Variants in USH2A observed in about 807,000 individuals in gnomAD.
USH2A encodes Usher syndrome 2A (autosomal recessive, mild).
Under a neutral mutation model 538.9 loss-of-function variants are expected in USH2A, and 443 were observed. The observed-to-expected ratio is 0.82, with a 90% CI of 0.76 to 0.89. The LOEUF is 0.89. Among genes scored for constraint, USH2A ranks in the 40% least tolerant of loss-of-function variants. USH2A has a pLI of 0.00. For synonymous variants in USH2A, 2,413 were observed against 2,273.5 expected (o/e 1.06, Z -1.75); for missense variants, 6,633 against 6,324.8 (o/e 1.05, Z -1.65).
At chr1:215,793,079 AT>A (rs1252321150) in intron 50 of USH2A, among the ~76,000 whole-genome samples, 1 of 152,156 alleles carries the variant, frequency 6.6e-6, no homozygotes, top group Non-Finnish European at 1.5e-5. Flanking sequence ...GGAGGAAAAA[AT>A]TTTTACTCAC....
chr1:215,824,490 A>G (rs547896821), intron 47 of USH2A, among the ~76,000 whole-genome samples: 1 of 152,150 alleles, frequency 6.6e-6, no homozygotes, highest in African/African-American at 2.4e-5. Flanking sequence ...TCCAAAGGGG[A>G]TATCCTGGTA....
intron 7 of USH2A, among the ~76,000 whole-genome samples, chr1:216,323,920 T>C (rs929486307): frequency 4.6e-5 from 7 of 152,150 alleles, no homozygotes; most frequent in African/African-American, 9.7e-5. Context: ...TTTACATAGA[T>C]AACTTGCCAA....
rs2037059441 is a variant in USH2A at position 216,294,164 on chromosome 1, A to C, written c.1645-1794T>G. Among the ~76,000 whole-genome samples, 3 of 152,334 alleles carry C rather than the reference A, an allele frequency of 2.0e-5. No homozygotes were observed. In the South Asian group the frequency reaches 6.2e-4, roughly 32 times the overall value. On this transcript the variant is annotated intron_variant, in intron 9 of 71. Transcript: ENST00000307340. ...CTAATATAAATACAATTTATGGACA[A>C]AGCAAAATTTTTTCCATAGATTTAA...
chr1:216,203,322 G>A (rs2035039721), intron 16 of USH2A, among the ~76,000 whole-genome samples: 1 of 151,598 alleles, frequency 6.6e-6, no homozygotes, highest in Non-Finnish European at 1.5e-5. Context: ...CTATGATAAA[G>A]TTTAATTTAT....
rs958469661 is a variant in USH2A, at chr1:215,782,596, C to T, written c.10585+142G>A. 3 of 910,052 alleles carry T rather than the reference C, an allele frequency of 3.3e-6. No individual in the cohort carries two copies. The African/African-American group carries it at 5.0e-5, about 15-fold the overall frequency. The allele number at this position is 910,052 out of a possible 1,614,324, so 56.4% of individuals were successfully genotyped here. Reference sequence around the variant, plus strand: ...CACCACAAAGTGAGTGATTAGTTGTCACATAATTACAGTTCCCTTTATCGG... The same window carrying T: ...CACCACAAAGTGAGTGATTAGTTGTTACATAATTACAGTTCCCTTTATCGG... On this transcript the variant is annotated intron_variant, in intron 53 of 71. Transcript: ENST00000307340.
chr1:215,957,329 A>G (rs1667093516), intron 37 of USH2A, among the ~76,000 whole-genome samples: 2 of 152,158 alleles, frequency 1.3e-5, no homozygotes, highest in African/African-American at 4.8e-5. Flanking sequence ...GTTGTCTGTA[A>G]CTAAAAGAAC....
At chr1:216,174,282 T>G (rs1424741508) in intron 21 of USH2A, 1 of 979,886 alleles carries the variant, frequency 1.0e-6, no homozygotes, top group African/African-American at 1.7e-5. Flanking sequence ...ATGAACATCT[T>G]TATGAGTTTA....
chr1:215,733,511 A>G (rs1660066813), intron 60 of USH2A, among the ~76,000 whole-genome samples: 1 of 152,234 alleles, frequency 6.6e-6, no homozygotes, highest in African/African-American at 2.4e-5. Context: ...TTAACTGATT[A>G]CAGCATTAAC....
rs1436411297 is a variant in USH2A, at chr1:216,190,332, G to A, written c.4287C>T (p.Tyr1429=). The change falls in exon 20 of 72, where the codon TAC becomes TAT. Residue 1429 remains tyrosine, a synonymous_variant. Transcript: ENST00000307340. ...TATAAGGTTTCAGTCCTTCTACAGT[G>A]TAAGATAGTTCTTGGGATTTAGCAG... ...LHTAKSQELS[Y]TVEGLKPYRI... is the part of the protein sequence containing the mutation. The A allele has an allele frequency of 3.1e-6, 5 of 1,612,178 alleles. No individual in the cohort carries two copies. The highest frequency in any genetic ancestry group is 4.2e-6 in the Non-Finnish European group (5 of 1,178,908).
intron 4 of USH2A, among the ~76,000 whole-genome samples, chr1:216,348,082 C>G (rs1225270867): frequency 6.6e-6 from 1 of 152,094 alleles, no homozygotes; most frequent in Non-Finnish European, 1.5e-5. Context: ...CTATTTACAG[C>G]TTTTTAACAA....
At chr1:216,374,035 T>G (rs1335595612) in intron 3 of USH2A, among the ~76,000 whole-genome samples, 1 of 137,372 alleles carries the variant, frequency 7.3e-6, no homozygotes, top group African/African-American at 2.8e-5. Flanking sequence ...TTCTCACTCA[T>G]AGGTGGGAAT....
intron 21 of USH2A, among the ~76,000 whole-genome samples, chr1:216,103,541 A>AT (rs1188598153): frequency 6.6e-6 from 1 of 152,190 alleles, no homozygotes; most frequent in Non-Finnish European, 1.5e-5. Flanking sequence ...GCTGATGAAA[A>AT]TTTTGCCTTC....
intron 19 of USH2A, among the ~76,000 whole-genome samples, chr1:216,195,523 C>T (rs1393457477): frequency 1.3e-5 from 2 of 152,086 alleles, no homozygotes; most frequent in Admixed American, 6.5e-5. Flanking sequence ...GGCAGAACTT[C>T]AGGCAGTTCA....
At chr1:215,810,510 G>C (rs1025237587) in intron 49 of USH2A, among the ~76,000 whole-genome samples, 2 of 152,110 alleles carry the variant, frequency 1.3e-5, no homozygotes, top group Non-Finnish European at 2.9e-5. Flanking sequence ...TGAATAGTTT[G>C]TTGCAAATCA....
In USH2A at chr1:215,757,035, T is replaced by C. The variant is rs567495058; in HGVS notation, c.11389+1560A>G. The stretch of plus-strand genomic sequence containing the variant: ...TTTATATATTTCCCACAGCAGAAGA[T>C]ATGTCTTTTCCTCTATCGAAATTAA... On this transcript the variant is annotated intron_variant, in intron 58 of 71. Coordinates refer to ENST00000307340, the MANE Select transcript of USH2A (RefSeq NM_206933.4). Among the ~76,000 whole-genome samples, 15 of 152,296 alleles carry C rather than the reference T, an allele frequency of 9.8e-5. No homozygotes were observed. In the South Asian group the frequency reaches 1.4e-3, roughly 15 times the overall value.
intron 47 of USH2A, among the ~76,000 whole-genome samples, chr1:215,831,848 T>A (rs141450916): frequency 6.6e-6 from 1 of 151,868 alleles, no homozygotes; most frequent in East Asian, 1.9e-4. Flanking sequence ...ACAATGTAGA[T>A]GATATAGAAA....
rs779082702 is a variant in USH2A, at chr1:216,323,700, T to G, written c.1329-5A>C. 1 of 1,612,898 alleles carries G rather than the reference T, an allele frequency of 6.2e-7. No homozygotes were observed. The highest frequency in any genetic ancestry group is 1.1e-5 in the South Asian group (1 of 91,030). On this transcript the variant is annotated splice_region_variant and splice_polypyrimidine_tract_variant and intron_variant, in intron 7 of 71. Coordinates refer to ENST00000307340, the MANE Select transcript of USH2A (RefSeq NM_206933.4). The stretch of plus-strand genomic sequence containing the variant: ...CCACGGGAATATGGAGTAAAACTGT[T>G]AATGAAAGAAATTCGATGTCATGAA...
At chr1:216,140,740 A>T (rs1172987981) in intron 21 of USH2A, among the ~76,000 whole-genome samples, 1 of 152,218 alleles carries the variant, frequency 6.6e-6, no homozygotes, top group Non-Finnish European at 1.5e-5. Context: ...GATGTGGCAC[A>T]AAACAGGTAC....
At chr1:215,833,496 CA>C (rs1480868646) in intron 47 of USH2A, among the ~76,000 whole-genome samples, 3 of 151,048 alleles carry the variant, frequency 2.0e-5, no homozygotes, top group African/African-American at 4.9e-5. Flanking sequence ...ACTTACATGC[CA>C]AAAAAAATTA....
Sources: gnomAD v4.1 joint callset for allele counts (sites outside exome capture counted in the v4.1 genomes callset) on GRCh38, gnomAD v4.1.1 for gene constraint, MANE v1.5 for transcripts, NCBI Gene and HGNC (gene_info 2026-07-23, HGNC 2026-07-21) for gene names.